The following CPD variants were observed in gnomAD, a reference collection of about 807,000 sequenced individuals.
CPD encodes carboxypeptidase D.
Under a neutral mutation model 138.3 loss-of-function variants are expected in CPD, and 69 were observed. The ratio of observed to expected loss-of-function variants is 0.50; its 90% CI spans 0.41 to 0.61. CPD has a LOEUF of 0.61. CPD is among the 20% of genes least tolerant of loss of function. The pLI is 0.00. For missense variants in CPD, 1,432 were observed against 1,733.3 expected (o/e 0.83, Z 3.09); for synonymous variants, 651 against 642.1 (o/e 1.01, Z -0.21).
intron 7 of CPD, among the ~76,000 whole-genome samples, chr17:30,429,791 A>C (rs1262055085): frequency 1.3e-5 from 2 of 152,162 alleles, no homozygotes; most frequent in African/African-American, 4.8e-5. Flanking sequence ...TGGGAAAGTG[A>C]CTAGGAAATA....
At chr17:30,389,662 C>A (rs542428204) in intron 2 of CPD, among the ~76,000 whole-genome samples, 5 of 152,304 alleles carry the variant, frequency 3.3e-5, no homozygotes, top group Admixed American at 3.3e-4. Flanking sequence ...CCGGCCTCTA[C>A]AAAACGTAGG....
intron 6 of CPD, among the ~76,000 whole-genome samples, chr17:30,427,049 G>T (rs931290206): frequency 6.6e-6 from 1 of 152,130 alleles, no homozygotes; most frequent in Non-Finnish European, 1.5e-5. Flanking sequence ...GGGCATGATG[G>T]CAGGTGCCTG....
chr17:30,390,097 A>G (rs1237820697), intron 2 of CPD, among the ~76,000 whole-genome samples: 3 of 151,684 alleles, frequency 2.0e-5, no homozygotes, highest in Non-Finnish European at 2.9e-5. Flanking sequence ...GCTCACTGCA[A>G]CCTCTGCCTC....
At position 30,412,189 on chromosome 17, in the gene CPD, CTGCAGAACAGCAAATAT is replaced by C. The variant is rs372458041; in HGVS notation, c.995-8631_995-8615del. 4.8e-3 allele frequency among the ~76,000 whole-genome samples: 736 copies of C among 152,320 alleles called. 10 individuals carry two copies. Among genetic ancestry groups the C allele is most frequent in the African/African-American group, 0.017 (698 of 41,554 alleles). ...TTTGCCTAGGTCTCACCAGTGGAGGCTGCAGAACAGCAAATATTGCAGAACAGCAAATATTGCTGCCT... is the reference window on the plus strand; with the variant it reads ...TTTGCCTAGGTCTCACCAGTGGAGGCTGCAGAACAGCAAATATTGCTGCCT... On this transcript the variant is annotated intron_variant, in intron 2 of 20. Coordinates refer to ENST00000225719, the MANE Select transcript of CPD (RefSeq NM_001304.5).
intron 2 of CPD, among the ~76,000 whole-genome samples, chr17:30,395,724 TAAAAAAA>T (rs11383738): frequency 6.9e-6 from 1 of 145,066 alleles, no homozygotes; most frequent in East Asian, 2.0e-4. Context: ...AGAGTACATT[TAAAAAAA>T]AAAAAAAGGA....
At chr17:30,407,708 G>A (rs1425522118) in intron 2 of CPD, among the ~76,000 whole-genome samples, 5 of 152,048 alleles carry the variant, frequency 3.3e-5, no homozygotes, top group African/African-American at 1.2e-4. Context: ...TATAGATTCT[G>A]GATATTAGCC....
At chr17:30,384,463 G>C (rs747885123) in intron 1 of CPD, among the ~76,000 whole-genome samples, 4 of 152,098 alleles carry the variant, frequency 2.6e-5, no homozygotes, top group Non-Finnish European at 5.9e-5. Context: ...TGAAATACAA[G>C]TCGTAGACTG....
chr17:30,427,602 A>G, intron 7 of CPD, 44 bp downstream of exon 7: 2 of 1,554,654 alleles, frequency 1.3e-6, no homozygotes, highest in South Asian at 1.1e-5. Context: ...TGTTGAGAGC[A>G]TTTGGAAATC....
chr17:30,446,031 C>G lies in CPD; in HGVS notation c.2873+11C>G, dbSNP rs752047373. 8 of 1,493,200 alleles carry G rather than the reference C, an allele frequency of 5.4e-6. No individual in the cohort carries two copies. In the Admixed American group the frequency reaches 6.2e-5, roughly 12 times the overall value. The allele number at this position is 1,493,200 out of a possible 1,614,324, so 92.5% of individuals were successfully genotyped here. On this transcript the variant is annotated intron_variant, in intron 12 of 20. Transcript: ENST00000225719. ...TACAAATCTTACCAAGTAAGTGTCA[C>G]TTTCTATTGTCTTTTTTTTTTTTTC... is the stretch of plus-strand genomic sequence containing the variant.
At chr17:30,396,140 T>A (rs1911502094) in intron 2 of CPD, among the ~76,000 whole-genome samples, 1 of 152,170 alleles carries the variant, frequency 6.6e-6, no homozygotes, top group African/African-American at 2.4e-5. Flanking sequence ...TATAAAAAAT[T>A]GTTCAGGAAA....
chr17:30,425,542 G>A (rs1396500785), intron 6 of CPD, among the ~76,000 whole-genome samples: 2 of 151,652 alleles, frequency 1.3e-5, no homozygotes, highest in Admixed American at 1.3e-4. Context: ...TGTAATTCCA[G>A]CTACTCGGGA....
intron 20 of CPD, among the ~76,000 whole-genome samples, chr17:30,462,867 A>T (rs188748415): frequency 8.9e-4 from 136 of 152,282 alleles, no homozygotes; most frequent in Non-Finnish European, 1.4e-3. Context: ...AGTATCCTTT[A>T]TGGGAAACGA....
intron 17 of CPD, chr17:30,456,761 G>A (rs1005073797): frequency 2.8e-6 from 1 of 363,284 alleles, no homozygotes. Flanking sequence ...AGAATCGCTT[G>A]AACCTGGGAG....
rs368873243 is a variant in CPD, at chr17:30,389,578, G to C, written c.994+4342G>C. 2.6e-5 allele frequency among the ~76,000 whole-genome samples: 4 copies of C among 152,280 alleles called. 1 individual carries two copies. The highest frequency in any genetic ancestry group is 9.6e-5 in the African/African-American group (4 of 41,560). On this transcript the variant is annotated intron_variant, in intron 2 of 20. Coordinates refer to ENST00000225719, the MANE Select transcript of CPD (RefSeq NM_001304.5). ...GCCTTTTTGGAAAAAGTTGTAAAAG[G>C]TTAGAAAGTAATTTCTAACTGACAA...
At chr17:30,444,068 C>A in intron 11 of CPD, 97 bp downstream of exon 11, 1 of 1,322,520 alleles carries the variant, frequency 7.6e-7, no homozygotes, top group Non-Finnish European at 1.0e-6. Flanking sequence ...GCCTGTTAAG[C>A]AACTTTGAAT....
chr17:30,459,984 GATAA>G, intron 17 of CPD, among the ~76,000 whole-genome samples: 1 of 152,096 alleles, frequency 6.6e-6, no homozygotes, highest in East Asian at 1.9e-4. Flanking sequence ...CTATATTAGT[GATAA>G]ATAAAATATA....
chr17:30,381,165 T>G (rs1338049594), intron 1 of CPD, among the ~76,000 whole-genome samples: 1 of 152,208 alleles, frequency 6.6e-6, no homozygotes, highest in Non-Finnish European at 1.5e-5. Context: ...TTCTTTTAAA[T>G]ACGATCGTGT....
chr17:30,384,836 T>C (rs553594797), intron 1 of CPD, among the ~76,000 whole-genome samples, 153 bp from the exon 2 acceptor site: 28 of 152,328 alleles, frequency 1.8e-4, no homozygotes, highest in African/African-American at 6.5e-4. Context: ...TTGTTGTTAG[T>C]CTCCTTATAA....
Position 30,379,369 on chromosome 17 carries a change from CCCAG to C in CPD, c.390_393del (p.Gln131Ter). ...GCGGGGCCGCTGCTGCCCGGCCGGC[CCCAG>C]GTGAAGCTGGTGGGCAACATGCATG... On this transcript the variant is annotated frameshift_variant, in exon 1 of 21. Coordinates refer to ENST00000225719, the MANE Select transcript of CPD (RefSeq NM_001304.5). LOFTEE classifies it high-confidence loss of function. The surrounding 1 kb of genome is among the most constrained non-coding windows in gnomAD (Gnocchi z 7.0). 1 of 1,510,786 alleles carries C rather than the reference CCCAG, an allele frequency of 6.6e-7. No individual in the cohort carries two copies. The highest frequency in any genetic ancestry group is 2.1e-5 in the Admixed American group (1 of 47,840). 93.6% of individuals were successfully genotyped at this position (1,510,786 alleles called of 1,614,324 possible).
Sources: gnomAD v4.1 joint callset for allele counts (sites outside exome capture counted in the v4.1 genomes callset) on GRCh38, gnomAD v4.1.1 for gene constraint, Gnocchi (gnomAD v3.1) non-coding constraint, MANE v1.5 for transcripts, NCBI Gene and HGNC (gene_info 2026-07-23, HGNC 2026-07-21) for gene names.